ITGBL1: variants seen among roughly 807,000 people sequenced by gnomAD.
ITGBL1 encodes integrin subunit beta like 1, also known as integrin beta-like protein 1.
ITGBL1 carries 51 observed loss-of-function variants against 68.5 expected under a neutral mutation model. That is an observed-to-expected ratio of 0.74 (90% CI 0.59 to 0.94). The LOEUF is 0.94. ITGBL1 is among the 40% of genes least tolerant of loss of function. The probability of loss-of-function intolerance (pLI) is 0.00; values close to 1 mark genes in which losing one functional copy is unlikely to be tolerated. For missense variants in ITGBL1, 649 were observed against 647.4 expected, an observed-to-expected ratio of 1.00 and a Z score of -0.03; for synonymous variants, 209 against 227.3, an observed-to-expected ratio of 0.92 and a Z score of 0.72.
intron 1 of ITGBL1, among the ~76,000 whole-genome samples, chr13:101,453,569 T>C (rs1272630068): frequency 1.3e-5 from 2 of 152,194 alleles, no homozygotes; most frequent in African/African-American, 4.8e-5. Context: ...GCATATAAGA[T>C]TTAGTGATAA....
intron 7 of ITGBL1, among the ~76,000 whole-genome samples, chr13:101,671,811 A>G (rs1403765558): frequency 6.6e-6 from 1 of 152,100 alleles, no homozygotes; most frequent in Non-Finnish European, 1.5e-5. Flanking sequence ...AAATTCAGAA[A>G]CTACATGAGT....
chr13:101,709,162 G>A (rs1220276325), intron 9 of ITGBL1, among the ~76,000 whole-genome samples: 10 of 151,302 alleles, frequency 6.6e-5, no homozygotes, highest in Admixed American at 5.9e-4. Context: ...TCAGGAGATC[G>A]AGACCATCCT....
At chr13:101,478,162 G>A (rs2048564075) in intron 2 of ITGBL1, among the ~76,000 whole-genome samples, 1 of 152,082 alleles carries the variant, frequency 6.6e-6, no homozygotes, top group Non-Finnish European at 1.5e-5. Flanking sequence ...TTATCCCTGG[G>A]ATGCAAGGAT....
At chr13:101,541,458 T>C (rs2049699721) in intron 2 of ITGBL1, among the ~76,000 whole-genome samples, 1 of 152,248 alleles carries the variant, frequency 6.6e-6, no homozygotes, top group South Asian at 2.1e-4. Context: ...GGTTTGCCAG[T>C]ATTTTATTGA....
intron 7 of ITGBL1, among the ~76,000 whole-genome samples, chr13:101,608,406 A>T (rs564234849): frequency 3.7e-5 from 5 of 136,880 alleles, no homozygotes; most frequent in African/African-American, 5.5e-5. Flanking sequence ...TGTGTTTTTT[A>T]CTCTATGTAA....
intron 8 of ITGBL1, among the ~76,000 whole-genome samples, chr13:101,701,075 C>T (rs2034125792): frequency 6.6e-6 from 1 of 152,118 alleles, no homozygotes; most frequent in Non-Finnish European, 1.5e-5. Context: ...GAAGAGATAA[C>T]TAAATTATTA....
At chr13:101,656,768 T>C (rs1352981675) in intron 7 of ITGBL1, among the ~76,000 whole-genome samples, 1 of 152,196 alleles carries the variant, frequency 6.6e-6, no homozygotes, top group Non-Finnish European at 1.5e-5. Context: ...TTCAAGAGTA[T>C]GTAATACATC....
chr13:101,665,977 T>C (rs1056698434), intron 7 of ITGBL1, among the ~76,000 whole-genome samples: 1 of 152,140 alleles, frequency 6.6e-6, no homozygotes, highest in African/African-American at 2.4e-5. Flanking sequence ...GGGATAATTA[T>C]CTCAAAATAA....
intron 7 of ITGBL1, among the ~76,000 whole-genome samples, chr13:101,664,165 T>C (rs545408477): frequency 6.6e-6 from 1 of 152,314 alleles, no homozygotes; most frequent in East Asian, 1.9e-4. Context: ...TGGACTGGAC[T>C]AACTTCGCAG....
intron 6 of ITGBL1, among the ~76,000 whole-genome samples, chr13:101,587,243 C>T (rs2050572767): frequency 6.6e-6 from 1 of 152,064 alleles, no homozygotes; most frequent in Non-Finnish European, 1.5e-5. Context: ...ATATAGGGAA[C>T]ACAAATATGT....
intron 7 of ITGBL1, among the ~76,000 whole-genome samples, chr13:101,632,239 C>T (rs928854249): frequency 6.6e-6 from 1 of 151,978 alleles, no homozygotes. Flanking sequence ...AACCCAACTA[C>T]ATAGGAAAAG....
intron 7 of ITGBL1, among the ~76,000 whole-genome samples, chr13:101,599,272 T>C (rs1289608739): frequency 6.6e-6 from 1 of 152,046 alleles, no homozygotes; most frequent in Non-Finnish European, 1.5e-5. Context: ...TGCCCACTTT[T>C]TGATGGGGTT....
intron 7 of ITGBL1, among the ~76,000 whole-genome samples, chr13:101,657,901 T>C (rs1452905965): frequency 6.6e-6 from 1 of 152,196 alleles, no homozygotes; most frequent in African/African-American, 2.4e-5. Flanking sequence ...GCTCTTCTTA[T>C]CCTTTGGGTA....
intron 7 of ITGBL1, among the ~76,000 whole-genome samples, chr13:101,631,591 C>G (rs1169606546): frequency 1.3e-5 from 2 of 152,134 alleles, no homozygotes; most frequent in Non-Finnish European, 2.9e-5. Context: ...TAAAAGATGT[C>G]AAATGAGCTA....
chr13:101,642,319 G>A (rs1262272476), intron 7 of ITGBL1, among the ~76,000 whole-genome samples: 7 of 152,170 alleles, frequency 4.6e-5, no homozygotes, highest in Admixed American at 3.3e-4. Context: ...GCCAGTGATG[G>A]TGAGCATTTT....
chr13:101,671,426 G>GTTTTTTTTTTTTTTTTTTTTTTTTTTTT lies in ITGBL1; in HGVS notation c.1016-21149_1016-21148insTTTTTTTTTTTTTTTTTTTTTTTTTTTT, dbSNP rs66501713. ...AGCTATTTGACAAAAGTATACCTTT[G>GTTTTTTTTTTTTTTTTTTTTTTTTTTTT]TTTTTTTTTTGTTTTTTTTTGTTTT... On this transcript the variant is annotated intron_variant, in intron 7 of 10. Coordinates refer to ENST00000376180, the MANE Select transcript of ITGBL1 (RefSeq NM_004791.3). Among the ~76,000 whole-genome samples, 4 of 112,654 alleles carry GTTTTTTTTTTTTTTTTTTTTTTTTTTTT rather than the reference G, an allele frequency of 3.6e-5. 1 individual carries two copies. The highest frequency in any genetic ancestry group is 7.2e-4 in the South Asian group (2 of 2,792). 73.9% of individuals were successfully genotyped at this position (112,654 alleles called of 152,430 possible). A position where few individuals can be genotyped will look rare whatever the true frequency, so the allele number is the denominator to read the frequency against.
At chr13:101,602,840 T>C (rs1456926927) in intron 7 of ITGBL1, among the ~76,000 whole-genome samples, 1 of 152,058 alleles carries the variant, frequency 6.6e-6, no homozygotes, top group African/African-American at 2.4e-5. Context: ...TCTTCTCGCA[T>C]CTGGCTTTTT....
chr13:101,701,587 A>G lies in ITGBL1; in HGVS notation c.1133-5169A>G, dbSNP rs1236353919. On this transcript the variant is annotated intron_variant, in intron 8 of 10. Coordinates refer to ENST00000376180, the MANE Select transcript of ITGBL1 (RefSeq NM_004791.3). ...AAAAAATCATCTATTTTCTTGCATA[A>G]CATTTTATATTATTTGCAATGAGAT... Among the ~76,000 whole-genome samples the G allele has an allele frequency of 3.3e-5, 5 of 152,246 alleles. No homozygotes were observed. In the East Asian group the frequency reaches 9.6e-4, roughly 29 times the overall value.
intron 2 of ITGBL1, among the ~76,000 whole-genome samples, chr13:101,497,027 G>A (rs2048866900): frequency 6.6e-6 from 1 of 152,312 alleles, no homozygotes; most frequent in Middle Eastern, 3.4e-3. Flanking sequence ...GCATGGCAGA[G>A]GGCAAAGCCC....
Sources: allele counts gnomAD v4.1 joint callset (sites outside exome capture counted in the v4.1 genomes callset), GRCh38; gene constraint gnomAD v4.1.1; transcripts MANE v1.5; gene names NCBI Gene and HGNC (gene_info 2026-07-23, HGNC 2026-07-21).